Variants in ACE observed in about 807,000 individuals in gnomAD.
ACE encodes the protein angiotensin I converting enzyme.
In ACE, 122 loss-of-function variants were observed where a neutral mutation model predicts 162.3. The observed-to-expected ratio is 0.75, with a 90% CI of 0.65 to 0.87. ACE has a LOEUF of 0.87. Among genes scored for constraint, ACE ranks in the 40% least tolerant of loss-of-function variants. The pLI is 0.00. For synonymous variants in ACE, 796 were observed against 720.6 expected (o/e 1.10, Z -1.68); for missense variants, 1,799 against 1,735.1 (o/e 1.04, Z -0.65).
rs2030732506 is a variant in ACE at position 63,496,404 on chromosome 17, A to G, written c.3391A>G (p.Ser1131Gly). The G allele has an allele frequency of 6.2e-7, 1 of 1,614,044 alleles. No homozygotes were observed. The highest frequency in any genetic ancestry group is 1.3e-5 in the African/African-American group (1 of 74,930). Residue 1131 changes from serine (S) to glycine (G), a missense_variant, in exon 23 of 25, where the codon AGC (serine) becomes GGC (glycine). Ser to Gly is a moderately conservative substitution (Grantham distance 56, BLOSUM62 0). Transcript: ENST00000290866. ...SSVPYIRYFVSFIIQFQFHEA... is the reference protein window; with the variant it reads ...SSVPYIRYFVGFIIQFQFHEA... Reference sequence around the variant, plus strand: ...CTCGCTCTGCTCCAGGTACTTTGTCAGCTTCATCATCCAGTTCCAGTTCCA... The same window carrying G: ...CTCGCTCTGCTCCAGGTACTTTGTCGGCTTCATCATCCAGTTCCAGTTCCA...
Position 63,493,626 on chromosome 17 carries a change from C to T in ACE, c.3103C>T (p.Leu1035Phe). ...GTCTACGCCCAAGCACCTGCACAGT[C>T]TCAACCTGCTGAGCAGTGAGGGTGG... ...SVSTPKHLHS[L>F]NLLSSEGGSD... is the part of the protein sequence containing the mutation. Residue 1035 changes from leucine to phenylalanine, a missense_variant, in exon 20 of 25, where the codon CTC becomes TTC. Leu to Phe is a conservative substitution (Grantham distance 22). Transcript: ENST00000290866. 1 of 1,614,166 alleles carries T rather than the reference C, an allele frequency of 6.2e-7. No homozygotes were observed.
Position 63,497,735 on chromosome 17 carries a change from C to A in ACE, c.*369C>A. 2.3e-6 allele frequency: 1 copy of A among 437,934 alleles called. No homozygotes were observed. Among genetic ancestry groups the A allele is most frequent in the South Asian group, 2.0e-5 (1 of 49,146 alleles). 27.1% of individuals were successfully genotyped at this position (437,934 alleles called of 1,614,324 possible). A position where few individuals can be genotyped will look rare whatever the true frequency, so the allele number is the denominator to read the frequency against. ...TTGTTCCTCCATCCTCCTTCAGGAGCCGGGGAGGATCCCCAGAGCTCTGCC... is the reference window on the plus strand; with the variant it reads ...TTGTTCCTCCATCCTCCTTCAGGAGACGGGGAGGATCCCCAGAGCTCTGCC... On this transcript the variant is annotated 3_prime_UTR_variant, in exon 25 of 25. Coordinates refer to ENST00000290866, the MANE Select transcript of ACE (RefSeq NM_000789.4).
At chr17:63,487,691 C>A (rs1789895609) in intron 15 of ACE, among the ~76,000 whole-genome samples, 1 of 152,162 alleles carries the variant, frequency 6.6e-6, no homozygotes, top group African/African-American at 2.4e-5. Flanking sequence ...TCACCCCCGA[C>A]ACAAGGACCC....
chr17:63,480,485 C>G lies in ACE; in HGVS notation c.804C>G (p.Asp268Glu), dbSNP rs766561924. 6.2e-7 allele frequency: 1 copy of G among 1,614,056 alleles called. No individual in the cohort carries two copies. Residue 268 changes from aspartate (D) to glutamate (E), a missense_variant, in exon 5 of 25, where the codon GAC (aspartate) becomes GAG (glutamate). Asp to Glu is a conservative substitution (Grantham distance 45). Coordinates refer to ENST00000290866, the MANE Select transcript of ACE (RefSeq NM_000789.4). ...GCGCACTGCATCGCCGATACGGAGA[C>G]AGATACATCAACCTCAGGGGACCCA... The part of the protein sequence containing the change: ...VRRALHRRYG[D>E]RYINLRGPIP...
chr17:63,493,727 A>G (rs1312224024), intron 20 of ACE, 68 bp downstream of exon 20: 1 of 1,571,978 alleles, frequency 6.4e-7, no homozygotes, highest in Non-Finnish European at 8.7e-7. Flanking sequence ...GGGAGGTGGG[A>G]AAGGGGCACT....
At chr17:63,481,507 C>T in intron 6 of ACE, 59 bp from the exon 7 acceptor site, 2 of 1,592,716 alleles carry the variant, frequency 1.3e-6, no homozygotes, top group Non-Finnish European at 1.7e-6. Flanking sequence ...GACCCCAGCC[C>T]TGTCCCCAGG....
rs556274739 is a variant in ACE, at chr17:63,496,995, C to T, written c.3691+10C>T. ...TGGACGCCGAACTCCGGTACCGCCACCCACCCCACCTCCAGCCTTGGGTCT... is the reference window on the plus strand; with the variant it reads ...TGGACGCCGAACTCCGGTACCGCCATCCACCCCACCTCCAGCCTTGGGTCT... On this transcript the variant is annotated intron_variant, in intron 24 of 24. Coordinates refer to ENST00000290866, the MANE Select transcript of ACE (RefSeq NM_000789.4). The T allele has an allele frequency of 1.3e-4, 201 of 1,604,702 alleles. 3 individuals carry two copies. The South Asian group carries it at 2.1e-3, about 17-fold the overall frequency.
chr17:63,484,976 G>A lies in ACE; in HGVS notation c.1922-260G>A, dbSNP rs778864574. The A allele has an allele frequency of 1.3e-5, 21 of 1,608,084 alleles. No homozygotes were observed. Among genetic ancestry groups the A allele is most frequent in the Non-Finnish European group, 1.8e-5 (21 of 1,177,384 alleles). On this transcript the variant is annotated intron_variant, in intron 12 of 24. Coordinates refer to ENST00000290866, the MANE Select transcript of ACE (RefSeq NM_000789.4). This position sits in a 1 kb window ranked among gnomAD's most constrained non-coding sequence, Gnocchi z 4.0. ...CCAGGAGGCATCCCAACAGGTGACA[G>A]TCACCCATGGGACAAGCAGCCAGGC...
In ACE at chr17:63,491,149, C is replaced by G; in HGVS notation, c.2740-60C>G. On this transcript the variant is annotated intron_variant, in intron 18 of 24. Transcript: ENST00000290866. The surrounding 1 kb of genome is among the most constrained non-coding windows in gnomAD (Gnocchi z 4.4). Reference sequence around the variant, plus strand: ...GTTTAGCCCTCCCCCGGGATCCCCACGGCAGCACGCAGTCTGTCCCCGGAA... The same window carrying G: ...GTTTAGCCCTCCCCCGGGATCCCCAGGGCAGCACGCAGTCTGTCCCCGGAA... The G allele has an allele frequency of 1.2e-6, 2 of 1,610,746 alleles. No homozygotes were observed. Among genetic ancestry groups the G allele is most frequent in the Non-Finnish European group, 1.7e-6 (2 of 1,178,104 alleles).
chr17:63,483,001 C>A (rs2049737023), intron 8 of ACE, 28 bp from the exon 9 acceptor site: 1 of 1,612,214 alleles, frequency 6.2e-7, no homozygotes, highest in Non-Finnish European at 8.5e-7. Context: ...TGACCTCTTC[C>A]CTCTCCTTTC....
Position 63,485,241 on chromosome 17 carries a change from G to A in ACE, c.1927G>A (p.Val643Met), listed in dbSNP as rs767279985. Reference sequence around the variant, plus strand: ...CCCTGCACTCTGTCCCACAGACCTGGTGACTGATGAGGCTGAGGCCAGCAA... The same window carrying A: ...CCCTGCACTCTGTCCCACAGACCTGATGACTGATGAGGCTGAGGCCAGCAA... Reference protein sequence around the residue: ...PDNYPEGIDLVTDEAEASKFV... With the variant: ...PDNYPEGIDLMTDEAEASKFV... Residue 643 changes from valine to methionine, a missense_variant, in exon 13 of 25, where the codon GTG (valine) becomes ATG (methionine). Transcript: ENST00000290866. 2 of 1,614,000 alleles carry A rather than the reference G, an allele frequency of 1.2e-6. No homozygotes were observed. Among genetic ancestry groups the A allele is most frequent in the Non-Finnish European group, 1.7e-6 (2 of 1,180,038 alleles).
In ACE at chr17:63,493,650, G is replaced by A. The variant is rs2030536853; in HGVS notation, c.3127G>A (p.Gly1043Ser). 1 of 1,613,986 alleles carries A rather than the reference G, an allele frequency of 6.2e-7. No individual in the cohort carries two copies. Among genetic ancestry groups the A allele is most frequent in the African/African-American group, 1.3e-5 (1 of 74,928 alleles). Residue 1043 changes from glycine (G) to serine (S), a missense_variant, in exon 20 of 25, where the codon GGC becomes AGC. Coordinates refer to ENST00000290866, the MANE Select transcript of ACE (RefSeq NM_000789.4). ...HSLNLLSSEG[G>S]SDEHDINFLM... ...TCTCAACCTGCTGAGCAGTGAGGGTGGCAGCGACGGTGAGAGAGAAGCGGG... is the reference window on the plus strand; with the variant it reads ...TCTCAACCTGCTGAGCAGTGAGGGTAGCAGCGACGGTGAGAGAGAAGCGGG...
chr17:63,481,652 A>G lies in ACE; in HGVS notation c.1032A>G (p.Glu344=), dbSNP rs2049711874. The G allele has an allele frequency of 6.2e-7, 1 of 1,613,976 alleles. No homozygotes were observed. The highest frequency in any genetic ancestry group is 8.5e-7 in the Non-Finnish European group (1 of 1,180,022). The change falls in exon 7 of 25, where the codon GAA becomes GAG. Residue 344 remains glutamate (E), a synonymous_variant. Coordinates refer to ENST00000290866, the MANE Select transcript of ACE (RefSeq NM_000789.4). The part of the protein sequence containing the change: ...ELSPMPPEFW[E]GSMLEKPADG... ...CCCCCATGCCTCCCGAGTTCTGGGA[A>G]GGGTCGATGCTGGAGAAGCCGGCCG...
At chr17:63,489,789 A>G (rs575886363) in intron 17 of ACE, 2 of 156,126 alleles carry the variant, frequency 1.3e-5, no homozygotes, top group South Asian at 3.9e-4. Context: ...CCCTCAGACC[A>G]TTTAGAAACT....
At chr17:63,482,816 T>C in intron 8 of ACE, 127 bp downstream of exon 8, 1 of 1,167,788 alleles carries the variant, frequency 8.6e-7, no homozygotes, top group Non-Finnish European at 1.2e-6. Context: ...CAGGCAGGGT[T>C]CGGGATCCTC....
intron 17 of ACE, 151 bp downstream of exon 17, chr17:63,489,283 G>A: frequency 1.0e-6 from 1 of 958,562 alleles, no homozygotes; most frequent in Non-Finnish European, 1.5e-6. Flanking sequence ...GAGGGGGGTG[G>A]GCGCTGGGAG....
Position 63,480,426 on chromosome 17 carries a change from C to G in ACE, c.745C>G (p.Pro249Ala). The change falls in exon 5 of 25, where the codon CCC becomes GCC. Residue 249 changes from proline to alanine, a missense_variant. Coordinates refer to ENST00000290866, the MANE Select transcript of ACE (RefSeq NM_000789.4). ...DLEHLYQQLEPLYLNLHAFVR... is the reference protein window; with the variant it reads ...DLEHLYQQLEALYLNLHAFVR... ...GGAACACCTCTACCAACAGCTAGAG[C>G]CCCTCTACCTGAACCTCCATGCCTT... 1.9e-6 allele frequency: 3 copies of G among 1,614,144 alleles called. No homozygotes were observed. Among genetic ancestry groups the G allele is most frequent in the Non-Finnish European group, 2.5e-6 (3 of 1,180,026 alleles).
intron 22 of ACE, 156 bp from the exon 23 acceptor site, chr17:63,496,238 C>A: frequency 9.0e-7 from 1 of 1,112,354 alleles, no homozygotes; most frequent in Non-Finnish European, 1.3e-6. Context: ...TGGGGGAGCT[C>A]ACCCTGATAG....
rs1390757637 is a variant in ACE, at chr17:63,483,864, T to G, written c.1602T>G (p.Phe534Leu). The G allele has an allele frequency of 1.9e-6, 3 of 1,614,056 alleles. No individual in the cohort carries two copies. The East Asian group carries it at 6.7e-5, about 36-fold the overall frequency. ...VTPYIRYFVS[F>L]VLQFQFHEAL... Reference sequence around the variant, plus strand: ...GTGCCTGCAGGTACTTTGTGAGTTTTGTCCTGCAGTTCCAGTTCCATGAAG... The same window carrying G: ...GTGCCTGCAGGTACTTTGTGAGTTTGGTCCTGCAGTTCCAGTTCCATGAAG... Residue 534 changes from phenylalanine to leucine, a missense_variant, in exon 11 of 25, where the codon TTT becomes TTG. Coordinates refer to ENST00000290866, the MANE Select transcript of ACE (RefSeq NM_000789.4).
Sources: gnomAD v4.1 joint callset for allele counts (sites outside exome capture counted in the v4.1 genomes callset) on GRCh38, gnomAD v4.1.1 for gene constraint, Gnocchi (gnomAD v3.1) non-coding constraint, MANE v1.5 for transcripts, NCBI Gene and HGNC (gene_info 2026-07-23, HGNC 2026-07-21) for gene names.